ZNF451: variants seen among roughly 807,000 people sequenced by gnomAD.
ZNF451 encodes the protein E3 SUMO-protein ligase ZNF451.
In ZNF451, 80 loss-of-function variants were observed where a neutral mutation model predicts 107.1. The observed-to-expected ratio is 0.75, with a 90% CI of 0.62 to 0.90. The LOEUF (loss-of-function observed/expected upper bound fraction) is 0.90. ZNF451 is among the 40% of genes least tolerant of loss of function. The probability of loss-of-function intolerance (pLI) is 0.00; values close to 1 mark genes in which losing one functional copy is unlikely to be tolerated. For synonymous variants in ZNF451, 362 were observed against 406.5 expected (o/e 0.89, Z 1.32); for missense variants, 1,107 against 1,236.2 (o/e 0.90, Z 1.57).
At chr6:57,111,108 A>G (rs982008112) in intron 3 of ZNF451, among the ~76,000 whole-genome samples, 10 of 151,670 alleles carry the variant, frequency 6.6e-5, no homozygotes, top group African/African-American at 2.4e-4. Flanking sequence ...TTTAGTAGAG[A>G]TGGGGTTTTG....
At chr6:57,152,394 C>T (rs1832392874) in intron 12 of ZNF451, 43 bp downstream of exon 12, 1 of 1,608,980 alleles carries the variant, frequency 6.2e-7, no homozygotes, top group Non-Finnish European at 8.5e-7. Context: ...AATCTCAGAC[C>T]CACTTGCATT....
At chr6:57,100,923 AG>A (rs1829560544) in intron 3 of ZNF451, 1 of 1,550,820 alleles carries the variant, frequency 6.4e-7, no homozygotes, top group Admixed American at 2.0e-5. Flanking sequence ...ATTTACGTAT[AG>A]ATTCTTCTTC....
At chr6:57,145,726 C>T (rs914923367) in intron 9 of ZNF451, among the ~76,000 whole-genome samples, 1 of 152,074 alleles carries the variant, frequency 6.6e-6, no homozygotes, top group African/African-American at 2.4e-5. Flanking sequence ...TGATTCCATT[C>T]ATTATCGCTA....
chr6:57,112,924 A>G (rs1454458370), intron 3 of ZNF451, among the ~76,000 whole-genome samples: 1 of 152,232 alleles, frequency 6.6e-6, no homozygotes, highest in Non-Finnish European at 1.5e-5. Context: ...AAAAAGCCAC[A>G]AAGTAGTACA....
At chr6:57,140,271 A>G (rs1356237692) in intron 7 of ZNF451, among the ~76,000 whole-genome samples, 1 of 152,180 alleles carries the variant, frequency 6.6e-6, no homozygotes, top group Non-Finnish European at 1.5e-5. Flanking sequence ...ATGCAAATTA[A>G]AGTAGCAATG....
intron 10 of ZNF451, among the ~76,000 whole-genome samples, chr6:57,150,155 AG>A (rs1002447760): frequency 2.6e-5 from 4 of 152,242 alleles, no homozygotes; most frequent in Middle Eastern, 3.4e-3. Flanking sequence ...ATGTGTTTAT[AG>A]GGGGAGGTGT....
intron 3 of ZNF451, chr6:57,115,925 T>TC (rs1830345239): frequency 6.6e-6 from 1 of 152,186 alleles, no homozygotes; most frequent in Non-Finnish European, 1.5e-5. Flanking sequence ...GAAGATCCTA[T>TC]AGCTGCTAAT....
intron 3 of ZNF451, chr6:57,116,739 C>T (rs895405069): frequency 1.3e-5 from 2 of 152,024 alleles, no homozygotes; most frequent in African/African-American, 4.8e-5. Context: ...TCCTCTACTC[C>T]TAGCAGATTT....
In ZNF451 at chr6:57,142,065, G is replaced by C. The variant is rs754581391; in HGVS notation, c.974G>C (p.Arg325Pro). The C allele has an allele frequency of 2.2e-4, 359 of 1,613,244 alleles. No individual in the cohort carries two copies. The highest frequency in any genetic ancestry group is 2.9e-4 in the Non-Finnish European group (341 of 1,179,436). The change falls in exon 9 of 15, where the codon CGT (arginine) becomes CCT (proline). Residue 325 changes from arginine to proline, a missense_variant. Arg to Pro is a moderately radical substitution (Grantham distance 103). Coordinates refer to ENST00000370706, the MANE Select transcript of ZNF451 (RefSeq NM_001031623.3). Reference protein sequence around the residue: ...VKCVACHKTLRSHMELTAHFR... With the variant: ...VKCVACHKTLPSHMELTAHFR... ...TGTGTGGCCTGCCACAAGACACTGC[G>C]TTCCCACATGGAGCTCACTGCCCAT...
intron 3 of ZNF451, among the ~76,000 whole-genome samples, chr6:57,113,840 C>G (rs946350531): frequency 2.0e-5 from 3 of 152,084 alleles, no homozygotes; most frequent in Non-Finnish European, 2.9e-5. Flanking sequence ...CCAGGATGCT[C>G]TCGATCTCCT....
At chr6:57,136,874 C>T (rs888682549) in intron 7 of ZNF451, among the ~76,000 whole-genome samples, 2 of 152,028 alleles carry the variant, frequency 1.3e-5, no homozygotes, top group Non-Finnish European at 2.9e-5. Context: ...TTTGCCGTCT[C>T]TCTAGGAAGT....
At chr6:57,094,918 A>C (rs1220116241) in intron 2 of ZNF451, among the ~76,000 whole-genome samples, 1 of 152,236 alleles carries the variant, frequency 6.6e-6, no homozygotes, top group African/African-American at 2.4e-5. Flanking sequence ...TAAATGGGAT[A>C]ATACTGATAA....
At chr6:57,130,465 A>G (rs951025456) in intron 5 of ZNF451, among the ~76,000 whole-genome samples, 2 of 152,130 alleles carry the variant, frequency 1.3e-5, no homozygotes, top group Non-Finnish European at 2.9e-5. Context: ...CCTACACCTT[A>G]TTATCTCCAG....
At chr6:57,143,639 G>A (rs1454756787) in intron 9 of ZNF451, among the ~76,000 whole-genome samples, 1 of 152,140 alleles carries the variant, frequency 6.6e-6, no homozygotes. Flanking sequence ...TTAAAAATAC[G>A]TATCTCTTTT....
chr6:57,129,452 A>G (rs1040911689), intron 5 of ZNF451, among the ~76,000 whole-genome samples: 3 of 152,182 alleles, frequency 2.0e-5, no homozygotes, highest in South Asian at 2.1e-4. Context: ...CTTGAAGAAT[A>G]TCTACTGAGC....
intron 3 of ZNF451, chr6:57,102,716 A>G: frequency 2.0e-6 from 2 of 985,476 alleles, no homozygotes; most frequent in Non-Finnish European, 2.4e-6. Context: ...AAATTTTGCC[A>G]AATCCAGTTT....
chr6:57,147,978 C>A lies in ZNF451; in HGVS notation c.1893C>A (p.His631Gln). The A allele has an allele frequency of 3.1e-6, 5 of 1,614,124 alleles. No homozygotes were observed. The highest frequency in any genetic ancestry group is 4.2e-6 in the Non-Finnish European group (5 of 1,179,988). Residue 631 changes from histidine to glutamine, a missense_variant, in exon 10 of 15, where the codon CAC becomes CAA. Physicochemically the swap from His to Gln is conservative, Grantham distance 24. This residue lies in a region of ZNF451 where 608 missense variants were observed against 649.2 expected (regional missense o/e 0.94). Transcript: ENST00000370706. Reference protein sequence around the residue: ...VKQHCMSLASHKFHRYSCAHC... With the variant: ...VKQHCMSLASQKFHRYSCAHC... ...AGCACTGCATGTCTTTGGCAAGCCACAAGTTTCATAGATACAGCTGTGCTC... is the reference window on the plus strand; with the variant it reads ...AGCACTGCATGTCTTTGGCAAGCCAAAAGTTTCATAGATACAGCTGTGCTC...
chr6:57,158,122 CAG>C (rs375777424), intron 13 of ZNF451, among the ~76,000 whole-genome samples: 137 of 152,326 alleles, frequency 9.0e-4, no homozygotes, highest in African/African-American at 3.2e-3. Flanking sequence ...CCTGCAGTCA[CAG>C]AGCAAGTGCT....
intron 14 of ZNF451, chr6:57,165,519 A>C (rs867713754): frequency 2.0e-4 from 30 of 152,098 alleles, no homozygotes; most frequent in African/African-American, 7.0e-4. Context: ...ACTATCTTTA[A>C]ATTTGCTGAC....
Sources: gnomAD v4.1 joint callset for allele counts (sites outside exome capture counted in the v4.1 genomes callset) on GRCh38, gnomAD v4.1.1 for gene constraint, gnomAD v4.1.1 regional missense constraint, MANE v1.5 for transcripts, NCBI Gene and HGNC (gene_info 2026-07-23, HGNC 2026-07-21) for gene names.